GFRA2: variants seen among roughly 807,000 people sequenced by gnomAD.
GFRA2 encodes GDNF family receptor alpha 2.
Under a neutral mutation model 48.3 loss-of-function variants are expected in GFRA2, and 17 were observed. That is an observed-to-expected ratio of 0.35 (90% CI 0.24 to 0.53). The LOEUF (loss-of-function observed/expected upper bound fraction) is 0.53, where lower values mean the gene tolerates loss of function less well. Among genes scored for constraint, GFRA2 ranks in the 20% least tolerant of loss-of-function variants. GFRA2 has a pLI of 0.93. For missense variants in GFRA2, 660 were observed against 637.3 expected, an observed-to-expected ratio of 1.04 and a Z score of -0.38; for synonymous variants, 305 against 257.2, an observed-to-expected ratio of 1.19 and a Z score of -1.78.
Position 21,748,363 on chromosome 8 carries a change from C to A in GFRA2, c.794+2225G>T, listed in dbSNP as rs1407525775. Among the ~76,000 whole-genome samples the A allele has an allele frequency of 4.6e-5, 7 of 152,150 alleles. No homozygotes were observed. The East Asian group carries it at 1.2e-3, about 25-fold the overall frequency. On this transcript the variant is annotated intron_variant, in intron 4 of 8. Transcript: ENST00000524240. ...ATCATTCATTTATCCATTCAACTAA[C>A]CTTATGGAATGCTCACCAAGTGCCA...
At chr8:21,760,450 G>A (rs747215905) in intron 3 of GFRA2, among the ~76,000 whole-genome samples, 34 of 152,200 alleles carry the variant, frequency 2.2e-4, no homozygotes, top group Non-Finnish European at 4.3e-4. Context: ...TTTTGAGTGG[G>A]AGGAGAGAGA....
At chr8:21,744,538 C>G (rs1804901891) in intron 4 of GFRA2, among the ~76,000 whole-genome samples, 1 of 135,340 alleles carries the variant, frequency 7.4e-6, no homozygotes, top group Admixed American at 8.3e-5. Context: ...CCACGACCCC[C>G]CAACCACCAC....
At chr8:21,765,331 G>A (rs577022084) in intron 3 of GFRA2, among the ~76,000 whole-genome samples, 14 of 151,960 alleles carry the variant, frequency 9.2e-5, no homozygotes, top group South Asian at 4.2e-4. Context: ...GGCTAGTCTC[G>A]AACTCCTGGA....
At chr8:21,807,378 A>G (rs1361784493) in intron 1 of GFRA2, among the ~76,000 whole-genome samples, 1 of 152,192 alleles carries the variant, frequency 6.6e-6, no homozygotes, top group African/African-American at 2.4e-5. Context: ...CGCCAGCACC[A>G]TGCTCTTGTA....
intron 4 of GFRA2, among the ~76,000 whole-genome samples, chr8:21,719,692 T>C (rs1355877451): frequency 3.9e-5 from 6 of 152,204 alleles, no homozygotes; most frequent in Non-Finnish European, 7.3e-5. Flanking sequence ...AGCTGAAAGA[T>C]TTCTTTCAAC....
intron 1 of GFRA2, among the ~76,000 whole-genome samples, chr8:21,784,490 T>C (rs368719398): frequency 7.9e-5 from 12 of 152,184 alleles, no homozygotes; most frequent in Non-Finnish European, 1.8e-4. Context: ...CGGGAGGCCC[T>C]GCTCAGGGGA....
Position 21,811,554 on chromosome 8 carries a change from G to C in GFRA2, c.-148+677C>G, listed in dbSNP as rs191069866. Among the ~76,000 whole-genome samples, 518 of 152,200 alleles carry C rather than the reference G, an allele frequency of 3.4e-3. 5 individuals are homozygous for C. The highest frequency in any genetic ancestry group is 0.012 in the African/African-American group (492 of 41,508). On this transcript the variant is annotated intron_variant, in intron 1 of 10. Transcript: ENST00000517328. ...GTCCTCCATCCACCTAGGGCACTCG[G>C]GTCAGAGGAACAGTCTCGGCTTGAG...
intron 7 of GFRA2, among the ~76,000 whole-genome samples, chr8:21,697,164 GAT>G: frequency 1.4e-5 from 2 of 143,682 alleles, no homozygotes; most frequent in African/African-American, 2.6e-5. Flanking sequence ...AGGGACAGAG[GAT>G]AGGGGAGGGG....
chr8:21,723,984 C>T (rs187545586), intron 4 of GFRA2, among the ~76,000 whole-genome samples: 8 of 152,252 alleles, frequency 5.3e-5, no homozygotes, highest in African/African-American at 1.4e-4. Flanking sequence ...AAGGAATGGA[C>T]GCTGGCAGAG....
At chr8:21,775,095 G>A (rs1160141790) in intron 2 of GFRA2, 40 bp from the exon 3 acceptor site, 1 of 1,025,452 alleles carries the variant, frequency 9.8e-7, no homozygotes, top group South Asian at 1.3e-5. Flanking sequence ...GCTCCTCCGG[G>A]CCAGAGCGCT....
chr8:21,767,215 CAA>C (rs370548868), intron 3 of GFRA2, among the ~76,000 whole-genome samples: 9,144 of 149,094 alleles, frequency 0.061, 469 homozygotes, highest in East Asian at 0.19. Flanking sequence ...CCACCATGCC[CAA>C]ACACACACAC....
intron 8 of GFRA2, among the ~76,000 whole-genome samples, chr8:21,693,872 T>C (rs142327067): frequency 0.029 from 665 of 23,304 alleles, 2 homozygotes; most frequent in African/African-American, 0.093. Context: ...CAATCCCCAC[T>C]CCTCCATGAA....
chr8:21,767,095 A>C (rs1010567831), intron 3 of GFRA2, among the ~76,000 whole-genome samples: 114 of 150,440 alleles, frequency 7.6e-4, no homozygotes, highest in African/African-American at 2.5e-3. Context: ...CACACACCCC[A>C]CACACACCAC....
chr8:21,810,859 C>A (rs768299905), intron 1 of GFRA2, among the ~76,000 whole-genome samples: 2 of 152,166 alleles, frequency 1.3e-5, no homozygotes, highest in Non-Finnish European at 2.9e-5. Flanking sequence ...CCCCAGCAAC[C>A]AAGCAACCCC....
At chr8:21,798,912 T>A (rs1429986993) in intron 2 of GFRA2, among the ~76,000 whole-genome samples, 2 of 152,206 alleles carry the variant, frequency 1.3e-5, no homozygotes, top group Non-Finnish European at 2.9e-5. Flanking sequence ...AAGTCTCCCA[T>A]TCTTATCTGT....
intron 2 of GFRA2, among the ~76,000 whole-genome samples, chr8:21,778,659 T>C (rs1458997409): frequency 6.6e-6 from 1 of 152,040 alleles, no homozygotes; most frequent in Non-Finnish European, 1.5e-5. Flanking sequence ...GAGGCCAAAG[T>C]GGGAAGAGAT....
At chr8:21,788,919 T>C (rs1807424050), upstream of GFRA2, 2 of 485,596 alleles carry the variant, frequency 4.1e-6, no homozygotes, top group Non-Finnish European at 5.4e-6. Flanking sequence ...CTCTCCCTGC[T>C]CCTCCCTCCG....
intron 8 of GFRA2, 93 bp downstream of exon 8, chr8:21,694,371 A>G: frequency 8.0e-7 from 1 of 1,242,412 alleles, no homozygotes; most frequent in South Asian, 1.3e-5. Context: ...ATGCGATGAG[A>G]TTTGAGGGCG....
intron 4 of GFRA2, among the ~76,000 whole-genome samples, chr8:21,745,147 G>A (rs770462535): frequency 2.0e-5 from 3 of 152,202 alleles, no homozygotes; most frequent in Non-Finnish European, 4.4e-5. Context: ...TCTCACACGG[G>A]TGACGGACAA....
Sources: gnomAD v4.1 joint callset for allele counts (sites outside exome capture counted in the v4.1 genomes callset) on GRCh38, gnomAD v4.1.1 for gene constraint, MANE v1.5 for transcripts, NCBI Gene and HGNC (gene_info 2026-07-23, HGNC 2026-07-21) for gene names.